GPAM: variants seen among roughly 807,000 people sequenced by gnomAD.
The protein encoded by GPAM is glycerol-3-phosphate acyltransferase, mitochondrial, also known as glycerol-3-phosphate acyltransferase 1, mitochondrial.
In GPAM, 56 loss-of-function variants were observed where a neutral mutation model predicts 105.0. That is an observed-to-expected ratio of 0.53 (90% CI 0.43 to 0.67). The LOEUF (loss-of-function observed/expected upper bound fraction) is 0.67. GPAM is among the 30% of genes least tolerant of loss of function. The pLI is 0.00. For synonymous variants in GPAM, 368 were observed against 354.4 expected (o/e 1.04, Z -0.43); for missense variants, 855 against 989.8 (o/e 0.86, Z 1.83).
chr10:112,152,212 TA>T lies in GPAM; in HGVS notation c.*1337del, dbSNP rs1232845914. On this transcript the variant is annotated 3_prime_UTR_variant, in exon 22 of 22. Coordinates refer to ENST00000348367, the MANE Select transcript of GPAM (RefSeq NM_001244949.2). Reference sequence around the variant, plus strand: ...TCTTAATTCCATAATATCTTGGAGATAAGCAACAGTAAACTGTTAGAAAACG... The same window carrying T: ...TCTTAATTCCATAATATCTTGGAGATAGCAACAGTAAACTGTTAGAAAACG... 5.1e-6 allele frequency: 5 copies of T among 976,100 alleles called. No homozygotes were observed. The African/African-American group carries it at 5.3e-5, about 10-fold the overall frequency. The allele number at this position is 976,100 out of a possible 1,614,324, so 60.5% of individuals were successfully genotyped here.
At chr10:112,180,904 C>G (rs1003693286) in intron 3 of GPAM, among the ~76,000 whole-genome samples, 2 of 152,164 alleles carry the variant, frequency 1.3e-5, no homozygotes, top group Non-Finnish European at 2.9e-5. Flanking sequence ...GATCTCTAGT[C>G]TAACAATTAA....
At chr10:112,164,639 T>G in intron 12 of GPAM, 29 bp from the exon 13 acceptor site, 1 of 1,153,238 alleles carries the variant, frequency 8.7e-7, no homozygotes, top group Non-Finnish European at 1.3e-6. Flanking sequence ...CATGATCATT[T>G]ACCCTCACTT....
At chr10:112,153,926 C>G in intron 21 of GPAM, 1 of 409,670 alleles carries the variant, frequency 2.4e-6, no homozygotes, top group East Asian at 5.3e-5. Context: ...TCTAAAATTT[C>G]AACCAACATA....
chr10:112,150,588 T>G lies in GPAM; in HGVS notation c.*2962A>C. 1 of 974,020 alleles carries G rather than the reference T, an allele frequency of 1.0e-6. No individual in the cohort carries two copies. Among genetic ancestry groups the G allele is most frequent in the Non-Finnish European group, 1.2e-6 (1 of 819,356 alleles). 60.3% of individuals were successfully genotyped at this position (974,020 alleles called of 1,614,324 possible). The stretch of plus-strand genomic sequence containing the variant: ...ATCTAACATAGTGTTTCCCAAAATG[T>G]TCTCCACAGGACATTAGTGAGAGGT... On this transcript the variant is annotated 3_prime_UTR_variant, in exon 22 of 22. Transcript: ENST00000348367.
rs1052089668 is a variant in GPAM at position 112,183,680 on chromosome 10, T to C, written c.-128+13A>G. Reference sequence around the variant, plus strand: ...AGCCTCCCGCAGCCCACACCTGCCCTGGCAGTTCGCACCCTAGCAGCTCCA... The same window carrying C: ...AGCCTCCCGCAGCCCACACCTGCCCCGGCAGTTCGCACCCTAGCAGCTCCA... On this transcript the variant is annotated intron_variant, in intron 1 of 21. Transcript: ENST00000348367. 3.3e-5 allele frequency: 5 copies of C among 152,746 alleles called. No homozygotes were observed. Among genetic ancestry groups the C allele is most frequent in the African/African-American group, 1.2e-4 (5 of 41,486 alleles). The allele number at this position is 152,746 out of a possible 1,614,324, so 9.5% of individuals were successfully genotyped here. A position where few individuals can be genotyped will look rare whatever the true frequency, so the allele number is the denominator to read the frequency against.
intron 1 of GPAM, among the ~76,000 whole-genome samples, chr10:112,200,242 T>TAGAGAG (rs549343147): frequency 4.2e-4 from 53 of 126,984 alleles, no homozygotes; most frequent in African/African-American, 1.6e-3. Context: ...TATATATATA[T>TAGAGAG]ATAGAGAGAG....
rs530149821 is a variant in GPAM at position 112,173,904 on chromosome 10, A to G, written c.414-59T>C. The G allele has an allele frequency of 1.3e-5, 18 of 1,375,672 alleles. No homozygotes were observed. The African/African-American group carries it at 2.1e-4, about 16-fold the overall frequency. The allele number at this position is 1,375,672 out of a possible 1,614,324, so 85.2% of individuals were successfully genotyped here. On this transcript the variant is annotated intron_variant, in intron 6 of 21. Coordinates refer to ENST00000348367, the MANE Select transcript of GPAM (RefSeq NM_001244949.2). The stretch of plus-strand genomic sequence containing the variant: ...TGTTTCTATACTACATTCTGTATTC[A>G]GTATTTTCTAAACTGCAGCTGTAAA...
upstream of GPAM, among the ~76,000 whole-genome samples, chr10:112,187,012 A>G (rs1335558918): frequency 1.3e-5 from 2 of 152,232 alleles, no homozygotes; most frequent in African/African-American, 4.8e-5. Context: ...CAAGCAGTAT[A>G]ATATACTTGA....
chr10:112,194,976 C>A (rs537476023), intron 1 of GPAM, among the ~76,000 whole-genome samples: 2 of 152,296 alleles, frequency 1.3e-5, no homozygotes, highest in East Asian at 3.9e-4. Flanking sequence ...TTATCTCCCT[C>A]TCCACCTGCA....
chr10:112,211,841 T>G (rs961685006), intron 1 of GPAM, among the ~76,000 whole-genome samples: 4 of 152,262 alleles, frequency 2.6e-5, no homozygotes, highest in African/African-American at 9.6e-5. Flanking sequence ...GATTCAGCTC[T>G]GGATTCTAAT....
chr10:112,168,983 A>G lies in GPAM; in HGVS notation c.795-31T>C, dbSNP rs532512291. 5.9e-5 allele frequency: 78 copies of G among 1,332,892 alleles called. 1 individual carries two copies. The South Asian group carries it at 7.4e-4, about 13-fold the overall frequency. 82.6% of individuals were successfully genotyped at this position (1,332,892 alleles called of 1,614,324 possible). ...AATTCAGAATACATGAATTATTTACAAAGAAAAATGTAAAAAGAATACTCA... is the reference window on the plus strand; with the variant it reads ...AATTCAGAATACATGAATTATTTACGAAGAAAAATGTAAAAAGAATACTCA... On this transcript the variant is annotated intron_variant, in intron 9 of 21. Transcript: ENST00000348367.
chr10:112,172,935 G>T, intron 8 of GPAM, 35 bp downstream of exon 8: 1 of 1,084,900 alleles, frequency 9.2e-7, no homozygotes, highest in Non-Finnish European at 1.4e-6. Flanking sequence ...ACAATTGAGG[G>T]GAAAATGGGG....
At chr10:112,216,330 T>A (rs572085408), upstream of GPAM, among the ~76,000 whole-genome samples, 1 of 152,314 alleles carries the variant, frequency 6.6e-6, no homozygotes, top group South Asian at 2.1e-4. Flanking sequence ...CCTGGCACAG[T>A]TCCCTGCCCT....
At chr10:112,211,074 A>G (rs1272426690) in intron 1 of GPAM, among the ~76,000 whole-genome samples, 2 of 152,226 alleles carry the variant, frequency 1.3e-5, no homozygotes, top group Non-Finnish European at 2.9e-5. Context: ...GGAAGGATGT[A>G]GTTCCTGGAA....
At position 112,153,497 on chromosome 10, in the gene GPAM, C is replaced by T; in HGVS notation, c.*53G>A. 6.2e-7 allele frequency: 1 copy of T among 1,612,020 alleles called. No individual in the cohort carries two copies. The highest frequency in any genetic ancestry group is 8.5e-7 in the Non-Finnish European group (1 of 1,178,910). On this transcript the variant is annotated 3_prime_UTR_variant, in exon 22 of 22. Transcript: ENST00000348367. ...TCAACTCTTGAGCCAGAAGCTGGTA[C>T]CTACAAGGAACTCATCTCATGACCT... is the stretch of plus-strand genomic sequence containing the variant.
chr10:112,157,434 C>T, intron 18 of GPAM, 45 bp from the exon 19 acceptor site: 1 of 1,586,212 alleles, frequency 6.3e-7, no homozygotes, highest in Middle Eastern at 1.7e-4. Flanking sequence ...TGCACTGGCA[C>T]ACAAACAACT....
intron 1 of GPAM, among the ~76,000 whole-genome samples, chr10:112,183,155 T>C (rs182051310): frequency 3.3e-4 from 50 of 152,352 alleles, no homozygotes; most frequent in Admixed American, 1.2e-3. Context: ...TTTATTACCA[T>C]AAGTTGGTTA....
At position 112,160,045 on chromosome 10, in the gene GPAM, G is replaced by A. The variant is rs774986201; in HGVS notation, c.1768C>T (p.Leu590Phe). Residue 590 changes from leucine to phenylalanine, a missense_variant, in exon 17 of 22, where the codon CTT becomes TTT. Transcript: ENST00000348367. ...FIMEAIIACSLYAVLNKRGLG... is the reference protein window; with the variant it reads ...FIMEAIIACSFYAVLNKRGLG... ...CCCCTCTTGTTCAGAACTGCATAAA[G>A]GCTGCAAGCTAAGAAAAGAAAAGCA... 6.2e-7 allele frequency: 1 copy of A among 1,614,008 alleles called. No individual in the cohort carries two copies. Among genetic ancestry groups the A allele is most frequent in the Non-Finnish European group, 8.5e-7 (1 of 1,179,944 alleles).
At chr10:112,157,149 C>A (rs1281185576) in intron 19 of GPAM, 100 bp downstream of exon 19, 2 of 1,056,434 alleles carry the variant, frequency 1.9e-6, no homozygotes, top group South Asian at 1.3e-5. Context: ...TTGGGGGATT[C>A]TTTAGATAAG....
Sources: allele counts gnomAD v4.1 joint callset (sites outside exome capture counted in the v4.1 genomes callset), GRCh38; gene constraint gnomAD v4.1.1; transcripts MANE v1.5; gene names NCBI Gene and HGNC (gene_info 2026-07-23, HGNC 2026-07-21).